Variants in TBC1D17 observed in about 807,000 individuals in gnomAD.
The protein encoded by TBC1D17 is TBC1 domain family, member 17.
In TBC1D17, 69 loss-of-function variants were observed where a neutral mutation model predicts 78.8. The ratio of observed to expected loss-of-function variants is 0.88; its 90% CI spans 0.72 to 1.07. The LOEUF is 1.07. Among genes scored for constraint, TBC1D17 ranks in the 50% least tolerant of loss-of-function variants. The probability of loss-of-function intolerance (pLI) is 0.00; values close to 1 mark genes in which losing one functional copy is unlikely to be tolerated. For missense variants in TBC1D17, 957 were observed against 861.0 expected, an observed-to-expected ratio of 1.11 and a Z score of -1.39; for synonymous variants, 456 against 358.3, an observed-to-expected ratio of 1.27 and a Z score of -3.08.
intron 2 of TBC1D17, 64 bp downstream of exon 2, chr19:49,878,305 G>C: frequency 6.8e-7 from 1 of 1,470,622 alleles, no homozygotes; most frequent in African/African-American, 1.4e-5. Context: ...CTGGGATGCA[G>C]GCGGCAGCTG....
At chr19:49,877,903 G>A (rs1412416086) in intron 1 of TBC1D17, 159 bp downstream of exon 1, 4 of 928,346 alleles carry the variant, frequency 4.3e-6, no homozygotes, top group Non-Finnish European at 6.4e-6. Context: ...CACCGCCCCA[G>A]GGAAGAACCT....
Position 49,881,284 on chromosome 19 carries a change from C to G in TBC1D17, c.336C>G (p.Cys112Trp). 6.2e-7 allele frequency: 1 copy of G among 1,612,844 alleles called. No individual in the cohort carries two copies. Among genetic ancestry groups the G allele is most frequent in the Non-Finnish European group, 8.5e-7 (1 of 1,179,794 alleles). Reference sequence around the variant, plus strand: ...TCTCCCTAGGTGCAGAGCCCAGCTGCCCCCAGGGCTCCTGGGCCTTCTCAG... The same window carrying G: ...TCTCCCTAGGTGCAGAGCCCAGCTGGCCCCAGGGCTCCTGGGCCTTCTCAG... ...SEPTRGAEPS[C>W]PQGSWAFSVS... is the part of the protein sequence containing the mutation. The change falls in exon 5 of 17, where the codon TGC becomes TGG. Residue 112 changes from cysteine (C) to tryptophan (W), a missense_variant. Physicochemically the swap from Cys to Trp is radical, Grantham distance 215. Coordinates refer to ENST00000221543, the MANE Select transcript of TBC1D17 (RefSeq NM_024682.3).
In TBC1D17 at chr19:49,878,248, T is replaced by C; in HGVS notation, c.120+7T>C. 6.4e-7 allele frequency: 1 copy of C among 1,555,440 alleles called. No individual in the cohort carries two copies. The highest frequency in any genetic ancestry group is 8.7e-7 in the Non-Finnish European group (1 of 1,149,222). On this transcript the variant is annotated splice_region_variant and intron_variant, in intron 2 of 16. Coordinates refer to ENST00000221543, the MANE Select transcript of TBC1D17 (RefSeq NM_024682.3). ...CATCCGTGTCGTGGAAAAGGTGCGC[T>C]GGGAGGGAGCAGGGCTCGGACCCGC...
At chr19:49,887,606 G>C in intron 14 of TBC1D17, 33 bp downstream of exon 14, 2 of 1,612,858 alleles carry the variant, frequency 1.2e-6, no homozygotes, top group East Asian at 4.5e-5. Context: ...GAGGCCTGAA[G>C]GGGTGGGCTC....
intron 13 of TBC1D17, chr19:49,885,037 G>A (rs1037956637): frequency 4.1e-5 from 19 of 460,096 alleles, no homozygotes; most frequent in Middle Eastern, 6.0e-4. Context: ...CAGAAATAAG[G>A]ACCTAGGCAT....
chr19:49,878,020 CG>C, intron 1 of TBC1D17, 122 bp from the exon 2 acceptor site: 1 of 853,262 alleles, frequency 1.2e-6, no homozygotes. Flanking sequence ...GCCTTGGTCC[CG>C]GGGCAATGGC....
chr19:49,887,301 G>A, intron 13 of TBC1D17, 175 bp from the exon 14 acceptor site: 1 of 626,720 alleles, frequency 1.6e-6, no homozygotes, highest in East Asian at 2.8e-5. Context: ...TGGAGAGTGG[G>A]AGGAAGGAGG....
intron 5 of TBC1D17, among the ~76,000 whole-genome samples, 167 bp from the exon 6 acceptor site, chr19:49,881,874 C>T (rs1185288828): frequency 6.6e-6 from 1 of 152,152 alleles, no homozygotes; most frequent in Non-Finnish European, 1.5e-5. Context: ...ATGTGCCCAC[C>T]CCTGGGATCC....
rs750482125 is a variant in TBC1D17 at position 49,880,327 on chromosome 19, G to C, written c.244G>C (p.Asp82His). The change falls in exon 4 of 17, where the codon GAC (aspartate) becomes CAC (histidine). Residue 82 changes from aspartate to histidine, a missense_variant. Transcript: ENST00000221543. The stretch of plus-strand genomic sequence containing the variant: ...TGCTTCTGAGGAGGAACCAACCTTT[G>C]ACCCCGGCTATGAACCTGACTGGGC... ...SCASEEEPTF[D>H]PGYEPDWAVI... is the part of the protein sequence containing the mutation. 1.9e-6 allele frequency: 3 copies of C among 1,614,058 alleles called. No individual in the cohort carries two copies. In the South Asian group the frequency reaches 3.3e-5, roughly 18 times the overall value.
chr19:49,882,367 T>A lies in TBC1D17; in HGVS notation c.765T>A (p.Asp255Glu). ...CCGACCTTCCCCCGCCACCCGACGA[T>A]GAGCCCGAGCCTGGATTCGAGGTCA... ...AASDLPPPPD[D>E]EPEPGFEVIS... The change falls in exon 7 of 17, where the codon GAT becomes GAA. Residue 255 changes from aspartate to glutamate, a missense_variant. Asp to Glu is a conservative substitution (Grantham distance 45). Transcript: ENST00000221543. 6.2e-7 allele frequency: 1 copy of A among 1,609,126 alleles called. No individual in the cohort carries two copies. The highest frequency in any genetic ancestry group is 1.1e-5 in the South Asian group (1 of 91,078).
chr19:49,880,517 C>G, intron 4 of TBC1D17, 115 bp downstream of exon 4: 1 of 1,350,878 alleles, frequency 7.4e-7, no homozygotes, highest in Non-Finnish European at 1.0e-6. Flanking sequence ...GGCCACCAGT[C>G]ACCACCTTCC....
chr19:49,882,031 C>T lies in TBC1D17; in HGVS notation c.528-10C>T, dbSNP rs372902859. The T allele has an allele frequency of 1.0e-4, 162 of 1,611,244 alleles. No homozygotes were observed. In the African/African-American group the frequency reaches 1.8e-3, roughly 18 times the overall value. Reference sequence around the variant, plus strand: ...TGTGCATCACCTGTGCGTCACCTCCCGCCTCCCAGCTCCCCGCAGGACTCC... The same window carrying T: ...TGTGCATCACCTGTGCGTCACCTCCTGCCTCCCAGCTCCCCGCAGGACTCC... On this transcript the variant is annotated splice_polypyrimidine_tract_variant and intron_variant, in intron 5 of 16. Transcript: ENST00000221543.
intron 3 of TBC1D17, 81 bp downstream of exon 3, chr19:49,878,653 T>G (rs1002730449): frequency 2.9e-6 from 4 of 1,373,806 alleles, no homozygotes; most frequent in African/African-American, 1.4e-5. Flanking sequence ...GGGACCTGCG[T>G]ACAATCCCAG....
intron 14 of TBC1D17, 39 bp from the exon 15 acceptor site, chr19:49,887,679 G>C: frequency 1.2e-6 from 2 of 1,611,126 alleles, no homozygotes; most frequent in Non-Finnish European, 1.7e-6. Flanking sequence ...CCCAGGCTGG[G>C]CTATGACCTC....
rs761836593 is a variant in TBC1D17, at chr19:49,888,484, C to G, written c.1807C>G (p.Pro603Ala). 1.3e-6 allele frequency: 2 copies of G among 1,586,042 alleles called. No homozygotes were observed. Among genetic ancestry groups the G allele is most frequent in the Non-Finnish European group, 1.7e-6 (2 of 1,171,176 alleles). Residue 603 changes from proline to alanine, a missense_variant, in exon 17 of 17, where the codon CCC becomes GCC. Coordinates refer to ENST00000221543, the MANE Select transcript of TBC1D17 (RefSeq NM_024682.3). ...GGCCCCGCCCGCAGAGCCCCACAGC[C>G]CCTCGCCCACCGCCTCCCCGCTGCC... ...GLAPPAEPHS[P>A]SPTASPLPLS...
At chr19:49,887,220 C>CGGGCGTGCT (rs1215428499) in intron 13 of TBC1D17, 1 of 491,010 alleles carries the variant, frequency 2.0e-6, no homozygotes, top group East Asian at 3.9e-5. Flanking sequence ...TCTGTTTCGT[C>CGGGCGTGCT]GGGCGTGCTG....
At chr19:49,888,077 G>A in intron 15 of TBC1D17, 154 bp from the exon 16 acceptor site, 1 of 1,262,502 alleles carries the variant, frequency 7.9e-7, no homozygotes, top group Admixed American at 2.1e-5. Flanking sequence ...AATGCTCCCG[G>A]AGGCCTGAGA....
Position 49,883,658 on chromosome 19 carries a change from T to A in TBC1D17, c.1039T>A (p.Tyr347Asn), listed in dbSNP as rs775980643. ...KAHIRKKTDEYFRMKLQWKSV... is the reference protein window; with the variant it reads ...KAHIRKKTDENFRMKLQWKSV... Reference sequence around the variant, plus strand: ...TTTCCCTCTGTCACTCAGGGATGAGTATTTCCGCATGAAGCTGCAGTGGAA... The same window carrying A: ...TTTCCCTCTGTCACTCAGGGATGAGAATTTCCGCATGAAGCTGCAGTGGAA... The change falls in exon 10 of 17, where the codon TAT becomes AAT. Residue 347 changes from tyrosine to asparagine, a missense_variant. By Grantham distance (143) the Tyr-to-Asn change is moderately radical. Coordinates refer to ENST00000221543, the MANE Select transcript of TBC1D17 (RefSeq NM_024682.3). The A allele has an allele frequency of 6.2e-7, 1 of 1,613,590 alleles. No homozygotes were observed.
chr19:49,888,160 G>C lies in TBC1D17; in HGVS notation c.1660-71G>C, dbSNP rs549234256. 27 of 1,548,682 alleles carry C rather than the reference G, an allele frequency of 1.7e-5. No homozygotes were observed. In the African/African-American group the frequency reaches 1.9e-4, roughly 11 times the overall value. Reference sequence around the variant, plus strand: ...GTGTGTCTTCATTGTTTCCCAGCACGAAGCACAGAGTGGGCGCTCGGGCGG... The same window carrying C: ...GTGTGTCTTCATTGTTTCCCAGCACCAAGCACAGAGTGGGCGCTCGGGCGG... On this transcript the variant is annotated intron_variant, in intron 15 of 16. Transcript: ENST00000221543.
Sources: gnomAD v4.1 joint callset for allele counts (sites outside exome capture counted in the v4.1 genomes callset) on GRCh38, gnomAD v4.1.1 for gene constraint, MANE v1.5 for transcripts, NCBI Gene and HGNC (gene_info 2026-07-23, HGNC 2026-07-21) for gene names.